The following MICAL3 variants were observed in gnomAD, a reference collection of about 807,000 sequenced individuals.
MICAL3 encodes [F-actin]-monooxygenase MICAL3.
In MICAL3, 62 loss-of-function variants were observed where a neutral mutation model predicts 207.4. The ratio of observed to expected loss-of-function variants is 0.30; its 90% CI spans 0.24 to 0.37. MICAL3 has a LOEUF of 0.37. Ranked by LOEUF, MICAL3 falls within the 10% of genes least tolerant of loss-of-function variation. The pLI is 1.00. For synonymous variants in MICAL3, 1,077 were observed against 1,069.3 expected (o/e 1.01, Z -0.14); for missense variants, 2,368 against 2,635.6 (o/e 0.90, Z 2.22).
intron 19 of MICAL3, among the ~76,000 whole-genome samples, chr22:17,853,737 G>A (rs1925584071): frequency 1.3e-5 from 2 of 152,212 alleles, no homozygotes; most frequent in Admixed American, 1.3e-4. Flanking sequence ...TTCAAGATCT[G>A]TGCTGGTTCC....
intron 29 of MICAL3, among the ~76,000 whole-genome samples, chr22:17,801,162 T>TCCCCCTGGAAC (rs1230218029): frequency 1.0e-4 from 10 of 100,230 alleles, no homozygotes; most frequent in South Asian, 3.4e-4. Context: ...TTTTTTTTTT[T>TCCCCCTGGAAC]TTTTTTTTGA....
chr22:17,797,653 A>G (rs2145958750), intron 29 of MICAL3, among the ~76,000 whole-genome samples: 1 of 152,282 alleles, frequency 6.6e-6, no homozygotes, highest in Non-Finnish European at 1.5e-5. Context: ...GTTCTATTTG[A>G]CCCACTGGCT....
chr22:17,801,705 C>A, intron 29 of MICAL3, among the ~76,000 whole-genome samples: 1 of 151,710 alleles, frequency 6.6e-6, no homozygotes. Flanking sequence ...ACCAGCCTGG[C>A]CAACATGGTG....
intron 1 of MICAL3, among the ~76,000 whole-genome samples, chr22:18,022,964 C>T (rs1238869644): frequency 6.6e-6 from 1 of 152,186 alleles, no homozygotes; most frequent in Admixed American, 6.5e-5. Flanking sequence ...TGATCCCTCC[C>T]TCGTTTGAGA....
intron 27 of MICAL3, among the ~76,000 whole-genome samples, chr22:17,811,966 C>G (rs1030939246): frequency 6.6e-6 from 1 of 152,158 alleles, no homozygotes; most frequent in Non-Finnish European, 1.5e-5. Context: ...CCAAGCTGGT[C>G]TTAATCTCCT....
intron 28 of MICAL3, among the ~76,000 whole-genome samples, chr22:17,809,629 C>CAAACAAAACAAAACA (rs139352318): frequency 6.6e-6 from 1 of 151,630 alleles, no homozygotes; most frequent in East Asian, 1.9e-4. Context: ...GACTCCGTCT[C>CAAACAAAACAAAACA]AAACAAAACA....
intron 1 of MICAL3, among the ~76,000 whole-genome samples, chr22:17,972,131 C>A (rs1197807799): frequency 2.0e-5 from 3 of 152,204 alleles, no homozygotes; most frequent in African/African-American, 7.2e-5. Context: ...AGTTACAAAC[C>A]AGTGGCTATT....
intron 1 of MICAL3, among the ~76,000 whole-genome samples, chr22:17,922,018 T>G (rs1170658359): frequency 6.6e-6 from 1 of 152,100 alleles, no homozygotes; most frequent in African/African-American, 2.4e-5. Context: ...CTCTGCCGCC[T>G]CCTCACCTTT....
intron 19 of MICAL3, among the ~76,000 whole-genome samples, chr22:17,844,556 G>A (rs1038861315): frequency 4.6e-5 from 7 of 152,246 alleles, no homozygotes; most frequent in East Asian, 1.9e-4. Context: ...AGCATCTTTC[G>A]AATTCACTAG....
chr22:17,956,281 G>T (rs1077543), intron 1 of MICAL3, among the ~76,000 whole-genome samples: 86,919 of 152,024 alleles, frequency 0.57, 25,163 homozygotes, highest in Middle Eastern at 0.74. Flanking sequence ...ACAGACAGTT[G>T]CAGAAAGGGG....
chr22:17,831,546 A>G (rs1038317088), intron 21 of MICAL3, among the ~76,000 whole-genome samples: 5 of 152,250 alleles, frequency 3.3e-5, no homozygotes, highest in Non-Finnish European at 7.3e-5. Flanking sequence ...CAGGGCAAAA[A>G]GAGAAAACGA....
chr22:17,862,137 T>G, intron 19 of MICAL3: 1 of 985,344 alleles, frequency 1.0e-6, no homozygotes, highest in South Asian at 4.7e-5. Context: ...GAGAATCAAG[T>G]GCCGTCATCA....
chr22:17,907,166 C>T (rs560608666), intron 1 of MICAL3, among the ~76,000 whole-genome samples: 1 of 151,762 alleles, frequency 6.6e-6, no homozygotes, highest in African/African-American at 2.4e-5. Context: ...GAGGGAGACA[C>T]AAGGCCATCT....
intron 17 of MICAL3, among the ~76,000 whole-genome samples, chr22:17,866,668 T>TAGAATAGAATAGAATAGAATAGA (rs796572705): frequency 1.2e-5 from 1 of 81,970 alleles, no homozygotes; most frequent in Non-Finnish European, 2.5e-5. Context: ...TAGAATAGAA[T>TAGAATAGAATAGAATAGAATAGA]ATAGAATAGA....
At chr22:17,859,469 G>T (rs1306457449) in intron 19 of MICAL3, among the ~76,000 whole-genome samples, 11 of 152,344 alleles carry the variant, frequency 7.2e-5, no homozygotes, top group Non-Finnish European at 1.5e-5. Context: ...CGGGAACAGT[G>T]CCACGGCTGC....
chr22:18,013,564 C>T (rs533767855), intron 1 of MICAL3, among the ~76,000 whole-genome samples: 4 of 152,262 alleles, frequency 2.6e-5, no homozygotes, highest in South Asian at 2.1e-4. Context: ...CCCCACTTCC[C>T]ACATAAAAAT....
intron 2 of MICAL3, among the ~76,000 whole-genome samples, chr22:17,906,139 T>C (rs549046336): frequency 2.6e-5 from 4 of 152,338 alleles, no homozygotes; most frequent in Non-Finnish European, 5.9e-5. Flanking sequence ...AAAGAGAGCT[T>C]CAGCAAAATA....
intron 25 of MICAL3, 70 bp downstream of exon 25, chr22:17,821,357 A>G (rs904868276): frequency 5.8e-6 from 8 of 1,373,622 alleles, no homozygotes; most frequent in Non-Finnish European, 6.9e-6. Flanking sequence ...GCCCTGAAAC[A>G]GAGAAGTTAA....
In MICAL3 at chr22:17,952,716, T is replaced by A. The variant is rs183570386; in HGVS notation, c.-74-45830A>T. Among the ~76,000 whole-genome samples, 662 of 152,270 alleles carry A rather than the reference T, an allele frequency of 4.3e-3. 5 individuals carry two copies. Among genetic ancestry groups the A allele is most frequent in the African/African-American group, 0.014 (582 of 41,516 alleles). ...ACAGGCGGGGCGTCAGAGAGGCCAC[T>A]GAGTGCAACCCAGGTGCCAGTTCTG... On this transcript the variant is annotated intron_variant, in intron 1 of 31. Coordinates refer to ENST00000441493, the MANE Select transcript of MICAL3 (RefSeq NM_015241.3).
Sources: allele counts gnomAD v4.1 joint callset (sites outside exome capture counted in the v4.1 genomes callset), GRCh38; gene constraint gnomAD v4.1.1; transcripts MANE v1.5; gene names NCBI Gene and HGNC (gene_info 2026-07-23, HGNC 2026-07-21).